INPP5F: variants seen among roughly 807,000 people sequenced by gnomAD.
The protein encoded by INPP5F is inositol polyphosphate-5-phosphatase F, also known as phosphatidylinositide 4-phosphatase SAC2.
Under a neutral mutation model 137.2 loss-of-function variants are expected in INPP5F, and 97 were observed. That is an observed-to-expected ratio of 0.71 (90% CI 0.60 to 0.84). The LOEUF (loss-of-function observed/expected upper bound fraction) is 0.84, where lower values mean the gene tolerates loss of function less well. INPP5F is among the 40% of genes least tolerant of loss of function. INPP5F has a pLI of 0.00. For synonymous variants in INPP5F, 504 were observed against 476.9 expected (o/e 1.06, Z -0.74); for missense variants, 1,271 against 1,371.9 (o/e 0.93, Z 1.16).
At chr10:119,796,966 A>C (rs758493779) in intron 7 of INPP5F, 53 bp downstream of exon 7, 38 of 1,474,722 alleles carry the variant, frequency 2.6e-5, no homozygotes, top group Middle Eastern at 1.8e-4. Flanking sequence ...AGAATGGAAA[A>C]GCTGCAGATG....
intron 2 of INPP5F, among the ~76,000 whole-genome samples, chr10:119,764,695 C>T (rs1849105597): frequency 6.6e-6 from 1 of 151,784 alleles, no homozygotes; most frequent in Non-Finnish European, 1.5e-5. Flanking sequence ...GATTCTCCTA[C>T]CTCAGCCTCC....
In INPP5F at chr10:119,732,555, A is replaced by G. The variant is rs1848111972; in HGVS notation, c.97+6196A>G. 2.2e-5 allele frequency among the ~76,000 whole-genome samples: 3 copies of G among 135,988 alleles called. No individual in the cohort carries two copies. In the Admixed American group the frequency reaches 2.4e-4, roughly 11 times the overall value. The allele number at this position is 135,988 out of a possible 152,430, so 89.2% of individuals were successfully genotyped here. A position where few individuals can be genotyped will look rare whatever the true frequency, so the allele number is the denominator to read the frequency against. On this transcript the variant is annotated intron_variant, in intron 1 of 19. Transcript: ENST00000650623. ...TATTCTGTTGCCCAGGCTGGAGTAC[A>G]ATGGCATGATCTCGGCTCATTGCAA...
At chr10:119,762,852 G>GCTCT (rs1362014770) in intron 2 of INPP5F, among the ~76,000 whole-genome samples, 1 of 152,084 alleles carries the variant, frequency 6.6e-6, no homozygotes, top group East Asian at 1.9e-4. Context: ...CTAAATGTAT[G>GCTCT]CTCTTCTCAT....
chr10:119,726,594 G>C (rs1216954507), intron 1 of INPP5F, among the ~76,000 whole-genome samples: 1 of 152,208 alleles, frequency 6.6e-6, no homozygotes, highest in Non-Finnish European at 1.5e-5. Flanking sequence ...GGCGACCCTC[G>C]TCCTTCCCAC....
At chr10:119,793,394 T>TAAAACAAAAC (rs59082717) in intron 6 of INPP5F, among the ~76,000 whole-genome samples, 282 of 149,618 alleles carry the variant, frequency 1.9e-3, no homozygotes, top group Middle Eastern at 6.9e-3. Flanking sequence ...GCAGGCTGCA[T>TAAAACAAAAC]AAAACAAAAC....
intron 13 of INPP5F, among the ~76,000 whole-genome samples, chr10:119,808,492 C>T (rs73355849): frequency 0.01 from 1,598 of 152,312 alleles, 33 homozygotes; most frequent in African/African-American, 0.037. Context: ...GTCACTTAAC[C>T]ACTCTCATTT....
intron 1 of INPP5F, among the ~76,000 whole-genome samples, chr10:119,729,929 A>G (rs1428273489): frequency 6.6e-6 from 1 of 151,560 alleles, no homozygotes. Flanking sequence ...CCTCTTTAAC[A>G]TTATTTAAAC....
chr10:119,733,757 A>C (rs190881426), intron 1 of INPP5F, among the ~76,000 whole-genome samples: 60 of 152,318 alleles, frequency 3.9e-4, no homozygotes, highest in Non-Finnish European at 7.3e-4. Flanking sequence ...CCAGAAACTA[A>C]GGTGCACTGA....
At chr10:119,777,474 C>G (rs765081433) in intron 2 of INPP5F, among the ~76,000 whole-genome samples, 1 of 152,040 alleles carries the variant, frequency 6.6e-6, no homozygotes, top group African/African-American at 2.4e-5. Flanking sequence ...TGCAGTAAGC[C>G]GAGATTGCGC....
intron 16 of INPP5F, among the ~76,000 whole-genome samples, chr10:119,821,433 T>C (rs1374952168): frequency 6.6e-6 from 1 of 152,092 alleles, no homozygotes; most frequent in Non-Finnish European, 1.5e-5. Context: ...GTCAGATTGA[T>C]CTCCAGAAAG....
At chr10:119,758,619 A>G (rs941698309) in intron 2 of INPP5F, among the ~76,000 whole-genome samples, 1 of 152,236 alleles carries the variant, frequency 6.6e-6, no homozygotes, top group Non-Finnish European at 1.5e-5. Flanking sequence ...AAAAAGATTC[A>G]TTAGTAAAGG....
rs1554881789 is a variant in INPP5F, at chr10:119,726,063, G to GGCCGCCGCT, written c.-191_-183dup. 3 of 365,902 alleles carry GGCCGCCGCT rather than the reference G, an allele frequency of 8.2e-6. No homozygotes were observed. Among genetic ancestry groups the GGCCGCCGCT allele is most frequent in the Non-Finnish European group, 1.5e-5 (3 of 206,148 alleles). 22.7% of individuals were successfully genotyped at this position (365,902 alleles called of 1,614,324 possible). On this transcript the variant is annotated 5_prime_UTR_variant, in exon 1 of 20. Coordinates refer to ENST00000650623, the MANE Select transcript of INPP5F (RefSeq NM_014937.4). The stretch of plus-strand genomic sequence containing the variant: ...AGGAGCGGGGGGGAGAGGCCTCTAC[G>GGCCGCCGCT]GCCGCCGCTGCCGCCGCCGCTGCCG...
intron 2 of INPP5F, among the ~76,000 whole-genome samples, chr10:119,753,387 C>G (rs2134128238): frequency 6.6e-6 from 1 of 152,218 alleles, no homozygotes; most frequent in East Asian, 1.9e-4. Context: ...CAAGCCAGTC[C>G]CAAAAGTTAA....
chr10:119,758,295 G>A (rs917667024), intron 2 of INPP5F, among the ~76,000 whole-genome samples: 7 of 152,150 alleles, frequency 4.6e-5, no homozygotes, highest in Admixed American at 1.3e-4. Context: ...CATCTCACAC[G>A]GACAGGGCCA....
chr10:119,777,289 C>T (rs994347203), intron 2 of INPP5F, among the ~76,000 whole-genome samples: 1 of 152,110 alleles, frequency 6.6e-6, no homozygotes, highest in Non-Finnish European at 1.5e-5. Flanking sequence ...TCGGGCGCAT[C>T]ACAAGGTCAG....
chr10:119,813,956 CTCTTT>C (rs1336748332), intron 15 of INPP5F, among the ~76,000 whole-genome samples: 1 of 152,136 alleles, frequency 6.6e-6, no homozygotes, highest in Non-Finnish European at 1.5e-5. Context: ...TGAAATGCTT[CTCTTT>C]TTTTTTCCTG....
intron 8 of INPP5F, 129 bp downstream of exon 8, chr10:119,797,769 A>G: frequency 1.5e-6 from 1 of 645,580 alleles, no homozygotes; most frequent in Non-Finnish European, 2.5e-6. Flanking sequence ...TTGTATTTGA[A>G]AAATGTAATA....
At chr10:119,766,700 A>T (rs1849175007) in intron 2 of INPP5F, among the ~76,000 whole-genome samples, 1 of 152,232 alleles carries the variant, frequency 6.6e-6, no homozygotes. Flanking sequence ...ATGGAATGAC[A>T]TCGTCAAAGT....
At chr10:119,811,729 A>T in intron 14 of INPP5F, 28 bp from the exon 15 acceptor site, 1 of 1,542,604 alleles carries the variant, frequency 6.5e-7, no homozygotes, top group South Asian at 1.2e-5. Flanking sequence ...AACTAAAATG[A>T]TGATAGATAT....
Sources: gnomAD v4.1 joint callset for allele counts (sites outside exome capture counted in the v4.1 genomes callset) on GRCh38, gnomAD v4.1.1 for gene constraint, MANE v1.5 for transcripts, NCBI Gene and HGNC (gene_info 2026-07-23, HGNC 2026-07-21) for gene names.